LNX1: variants seen among roughly 807,000 people sequenced by gnomAD.
LNX1 encodes the protein ligand of numb-protein X 1.
Under a neutral mutation model 68.4 loss-of-function variants are expected in LNX1, and 54 were observed. The ratio of observed to expected loss-of-function variants is 0.79; its 90% CI spans 0.63 to 0.99. LNX1 has a LOEUF of 0.99. Among genes scored for constraint, LNX1 ranks in the 50% least tolerant of loss-of-function variants. The pLI is 0.00. For missense variants in LNX1, 906 were observed against 926.4 expected, an observed-to-expected ratio of 0.98 and a Z score of 0.29; for synonymous variants, 336 against 350.0, an observed-to-expected ratio of 0.96 and a Z score of 0.45.
At chr4:53,606,719 C>T (rs1314035111) in intron 2 of LNX1, among the ~76,000 whole-genome samples, 1 of 152,102 alleles carries the variant, frequency 6.6e-6, no homozygotes, top group Non-Finnish European at 1.5e-5. Flanking sequence ...AAAATACTGG[C>T]AAACTGAATC....
In LNX1 at chr4:53,507,357, G is replaced by T. The variant is rs751877942; in HGVS notation, c.735C>A (p.Asp245Glu). 79 of 1,614,012 alleles carry T rather than the reference G, an allele frequency of 4.9e-5. No homozygotes were observed. Among genetic ancestry groups the T allele is most frequent in the Non-Finnish European group, 6.4e-5 (75 of 1,180,024 alleles). Reference sequence around the variant, plus strand: ...TGTTTTCAGAATTTTCCCTGCCCTGGTCGGCATGGTTGGCAACTGCACTCC... The same window carrying T: ...TGTTTTCAGAATTTTCCCTGCCCTGTTCGGCATGGTTGGCAACTGCACTCC... ...KSGSAVANHA[D>E]QGRENSENTT... The change falls in exon 4 of 11, where the codon GAC becomes GAA. Residue 245 changes from aspartate to glutamate, a missense_variant. By Grantham distance (45) the Asp-to-Glu change is conservative. Coordinates refer to ENST00000263925, the MANE Select transcript of LNX1 (RefSeq NM_001126328.3).
intron 10 of LNX1, 39 bp downstream of exon 10, chr4:53,461,396 C>T (rs775657173): frequency 8.0e-6 from 12 of 1,501,346 alleles, no homozygotes; most frequent in Middle Eastern, 1.8e-4. Flanking sequence ...TATGAAACAA[C>T]ATTTAATACA....
intron 2 of LNX1, among the ~76,000 whole-genome samples, chr4:53,612,548 A>G (rs532731730): frequency 6.6e-6 from 1 of 152,298 alleles, no homozygotes; most frequent in South Asian, 2.1e-4. Flanking sequence ...GTCATTAAGA[A>G]TAAATTAACG....
chr4:53,615,150 G>T (rs973347063), intron 2 of LNX1, among the ~76,000 whole-genome samples: 7 of 152,172 alleles, frequency 4.6e-5, no homozygotes, highest in Non-Finnish European at 7.3e-5. Flanking sequence ...TAGAAAACAG[G>T]CTGTGGGAGA....
At chr4:53,463,183 T>G (rs1214246303) in intron 9 of LNX1, among the ~76,000 whole-genome samples, 1 of 152,120 alleles carries the variant, frequency 6.6e-6, no homozygotes, top group Non-Finnish European at 1.5e-5. Flanking sequence ...ATATTACGTG[T>G]TCTAGTTCAA....
chr4:53,464,096 G>A (rs1191501697), intron 9 of LNX1, among the ~76,000 whole-genome samples: 1 of 152,138 alleles, frequency 6.6e-6, no homozygotes. Context: ...GATGTAGGAT[G>A]TTTTGAGCTC....
chr4:53,468,032 A>T (rs1048130713), intron 9 of LNX1, among the ~76,000 whole-genome samples: 1 of 152,246 alleles, frequency 6.6e-6, no homozygotes, highest in Non-Finnish European at 1.5e-5. Context: ...TCCAAGACAC[A>T]TAATTGTCAG....
intron 2 of LNX1, among the ~76,000 whole-genome samples, chr4:53,560,347 T>C (rs1051405715): frequency 4.6e-5 from 7 of 152,230 alleles, no homozygotes; most frequent in African/African-American, 1.7e-4. Flanking sequence ...AATTAATTAA[T>C]TAATGTGACT....
At position 53,563,537 on chromosome 4, in the gene LNX1, C is replaced by CTTTTTT. The variant is rs763612909; in HGVS notation, c.380+10080_380+10085dup. Among the ~76,000 whole-genome samples the CTTTTTT allele has an allele frequency of 7.7e-5, 11 of 142,572 alleles. 1 individual carries two copies. The highest frequency in any genetic ancestry group is 1.3e-4 in the African/African-American group (5 of 38,254). The allele number at this position is 142,572 out of a possible 152,430, so 93.5% of individuals were successfully genotyped here. A position where few individuals can be genotyped will look rare whatever the true frequency, so the allele number is the denominator to read the frequency against. On this transcript the variant is annotated intron_variant, in intron 2 of 10. Coordinates refer to ENST00000263925, the MANE Select transcript of LNX1 (RefSeq NM_001126328.3). ...TCTGGTTCTAGGTTAGCTTCAAATT[C>CTTTTTT]TTTTTTTTTTTTTTTGAGACAGAGT...
chr4:53,559,562 C>G (rs1291761488), intron 2 of LNX1, among the ~76,000 whole-genome samples: 1 of 152,172 alleles, frequency 6.6e-6, no homozygotes, highest in Admixed American at 6.5e-5. Flanking sequence ...AGTAATAGTG[C>G]TTAACTCAGA....
chr4:53,474,173 C>T (rs574375482), intron 9 of LNX1, among the ~76,000 whole-genome samples: 18 of 152,292 alleles, frequency 1.2e-4, no homozygotes, highest in African/African-American at 4.1e-4. Context: ...GTGGATACAA[C>T]GATGGTGCAG....
At chr4:53,563,769 G>A (rs1211564027) in intron 2 of LNX1, among the ~76,000 whole-genome samples, 9 of 152,096 alleles carry the variant, frequency 5.9e-5, no homozygotes, top group African/African-American at 9.7e-5. Flanking sequence ...TCCTGACCTC[G>A]TGATCCACCC....
chr4:53,542,821 G>A (rs1039141040), intron 2 of LNX1, among the ~76,000 whole-genome samples: 2 of 152,170 alleles, frequency 1.3e-5, no homozygotes, highest in African/African-American at 4.8e-5. Flanking sequence ...GACCCAGAGT[G>A]ATGTTTAACC....
chr4:53,546,906 G>C (rs1729152747), intron 2 of LNX1, among the ~76,000 whole-genome samples: 1 of 152,206 alleles, frequency 6.6e-6, no homozygotes, highest in South Asian at 2.1e-4. Flanking sequence ...GGAAGGCGAG[G>C]CCTCAGCCAC....
At chr4:53,471,015 A>G (rs1311727279) in intron 9 of LNX1, among the ~76,000 whole-genome samples, 5 of 130,580 alleles carry the variant, frequency 3.8e-5, no homozygotes, top group African/African-American at 1.4e-4. Context: ...GGAACCAAAA[A>G]AGAGCCCGCA....
chr4:53,605,117 G>A (rs2109840215), intron 2 of LNX1, among the ~76,000 whole-genome samples: 1 of 152,248 alleles, frequency 6.6e-6, no homozygotes, highest in Non-Finnish European at 1.5e-5. Context: ...GGTCAAAGGA[G>A]TTACAAGGCC....
intron 2 of LNX1, among the ~76,000 whole-genome samples, chr4:53,559,768 C>T (rs539767567): frequency 6.6e-5 from 10 of 151,748 alleles, no homozygotes; most frequent in Non-Finnish European, 1.2e-4. Context: ...CTGCCTCAGC[C>T]TCCCAAGTAG....
At chr4:53,519,656 A>ATTTGACACAC (rs1560642263) in intron 2 of LNX1, among the ~76,000 whole-genome samples, 1 of 151,440 alleles carries the variant, frequency 6.6e-6, no homozygotes, top group Non-Finnish European at 1.5e-5. Flanking sequence ...CTGTCAAGGT[A>ATTTGACACAC]TCTGACACAC....
chr4:53,481,950 T>C (rs1340222273), intron 6 of LNX1, 96 bp from the exon 7 acceptor site: 14 of 1,367,736 alleles, frequency 1.0e-5, no homozygotes, highest in Non-Finnish European at 1.4e-5. Context: ...TTATACCATT[T>C]TTTTATGGCA....
Sources: allele counts gnomAD v4.1 joint callset (sites outside exome capture counted in the v4.1 genomes callset), GRCh38; gene constraint gnomAD v4.1.1; transcripts MANE v1.5; gene names NCBI Gene and HGNC (gene_info 2026-07-23, HGNC 2026-07-21).